Variants in ANKRD13C observed in about 807,000 individuals in gnomAD.
The protein encoded by ANKRD13C is ankyrin repeat domain 13C.
A neutral mutation model predicts 65.5 loss-of-function variants in ANKRD13C; 16 were observed. That is an observed-to-expected ratio of 0.24 (90% CI 0.17 to 0.37). The LOEUF is 0.37. Ranked by LOEUF, ANKRD13C falls within the 10% of genes least tolerant of loss-of-function variation. The pLI is 1.00. For synonymous variants in ANKRD13C, 235 were observed against 238.7 expected (o/e 0.98, Z 0.14); for missense variants, 503 against 655.9 (o/e 0.77, Z 2.55).
intron 10 of ANKRD13C, among the ~76,000 whole-genome samples, chr1:70,276,197 T>C (rs144735426): frequency 6.6e-6 from 1 of 152,308 alleles, no homozygotes; most frequent in Non-Finnish European, 1.5e-5. Context: ...TCATTCATCA[T>C]TCTTTTAGTC....
intron 11 of ANKRD13C, among the ~76,000 whole-genome samples, chr1:70,272,487 C>T (rs2101125113): frequency 6.6e-6 from 1 of 152,092 alleles, no homozygotes; most frequent in East Asian, 1.9e-4. Context: ...CCCAAACTGC[C>T]AGGATAACAG....
intron 12 of ANKRD13C, among the ~76,000 whole-genome samples, chr1:70,263,225 T>C (rs1341348877): frequency 7.9e-5 from 12 of 152,188 alleles, no homozygotes; most frequent in African/African-American, 2.9e-4. Context: ...ATATTTACTA[T>C]TCTGACTCTT....
At chr1:70,289,642 T>C (rs1399015228) in intron 9 of ANKRD13C, among the ~76,000 whole-genome samples, 1 of 151,334 alleles carries the variant, frequency 6.6e-6, no homozygotes, top group Non-Finnish European at 1.5e-5. Flanking sequence ...AATTTTTTTT[T>C]TTTTTTTGTA....
intron 8 of ANKRD13C, 45 bp from the exon 9 acceptor site, chr1:70,292,594 A>T: frequency 7.0e-7 from 1 of 1,420,066 alleles, no homozygotes; most frequent in East Asian, 2.4e-5. Context: ...TTAGGTTAAA[A>T]AAAGTGTCAA....
At chr1:70,267,432 C>T (rs79004062) in intron 12 of ANKRD13C, among the ~76,000 whole-genome samples, 15,736 of 151,990 alleles carry the variant, frequency 0.1, 946 homozygotes, top group East Asian at 0.29. Context: ...TACAGTGGCG[C>T]GATCTTGGCT....
intron 3 of ANKRD13C, among the ~76,000 whole-genome samples, chr1:70,320,248 CAGG>C (rs972869145): frequency 3.3e-5 from 5 of 152,084 alleles, no homozygotes; most frequent in Admixed American, 2.0e-4. Flanking sequence ...GTCCTCAGAA[CAGG>C]AGGTTTTAAA....
chr1:70,306,619 T>C (rs1680596259), intron 5 of ANKRD13C, among the ~76,000 whole-genome samples: 1 of 152,138 alleles, frequency 6.6e-6, no homozygotes, highest in Non-Finnish European at 1.5e-5. Context: ...TAAACCCTCC[T>C]GAATGGGTAA....
intron 5 of ANKRD13C, among the ~76,000 whole-genome samples, chr1:70,310,035 T>A (rs1680784486): frequency 6.6e-6 from 1 of 152,122 alleles, no homozygotes; most frequent in African/African-American, 2.4e-5. Flanking sequence ...AAATATGTGA[T>A]TTGCAATGTC....
At chr1:70,315,377 G>T in intron 4 of ANKRD13C, 104 bp downstream of exon 4, 1 of 802,808 alleles carries the variant, frequency 1.2e-6, no homozygotes, top group Non-Finnish European at 2.0e-6. Context: ...ACCATTTTTT[G>T]GCCCCTAATA....
chr1:70,353,290 C>A (rs552332751), intron 1 of ANKRD13C, among the ~76,000 whole-genome samples: 2 of 152,110 alleles, frequency 1.3e-5, no homozygotes, highest in Non-Finnish European at 2.9e-5. Context: ...CCATAAAAAT[C>A]ATAATACTAT....
intron 9 of ANKRD13C, among the ~76,000 whole-genome samples, chr1:70,281,104 A>G (rs1679367365): frequency 6.6e-6 from 1 of 152,126 alleles, no homozygotes; most frequent in African/African-American, 2.4e-5. Flanking sequence ...ATTTAGACAC[A>G]CTAAATTTTA....
chr1:70,267,300 C>T (rs770659647), intron 12 of ANKRD13C, among the ~76,000 whole-genome samples: 2 of 152,092 alleles, frequency 1.3e-5, no homozygotes, highest in African/African-American at 2.4e-5. Flanking sequence ...CACTTCTAAT[C>T]GGCCTATATC....
intron 1 of ANKRD13C, among the ~76,000 whole-genome samples, chr1:70,348,925 A>T (rs1203735667): frequency 6.6e-6 from 1 of 152,206 alleles, no homozygotes; most frequent in Non-Finnish European, 1.5e-5. Flanking sequence ...AATTTTTCAC[A>T]TCTAGGAAAG....
chr1:70,326,500 G>C (rs1192858723), intron 2 of ANKRD13C, among the ~76,000 whole-genome samples: 1 of 152,084 alleles, frequency 6.6e-6, no homozygotes, highest in Non-Finnish European at 1.5e-5. Flanking sequence ...GTTGGCTAAG[G>C]TGGGGAACAA....
intron 9 of ANKRD13C, among the ~76,000 whole-genome samples, chr1:70,284,975 G>A (rs1679552466): frequency 6.6e-6 from 1 of 152,022 alleles, no homozygotes; most frequent in Non-Finnish European, 1.5e-5. Flanking sequence ...ACTCAACTCA[G>A]AATAGGCCAC....
In ANKRD13C at chr1:70,354,464, T is replaced by G; in HGVS notation, c.-56A>C. 6.5e-7 allele frequency: 1 copy of G among 1,548,212 alleles called. No homozygotes were observed. The highest frequency in any genetic ancestry group is 8.7e-7 in the Non-Finnish European group (1 of 1,149,584). The stretch of plus-strand genomic sequence containing the variant: ...GGAGGCTCACCGCTGGCGACGGAGC[T>G]GGCGCTGCGGCGGCACAAGGCGATT... On this transcript the variant is annotated 5_prime_UTR_variant, in exon 1 of 13. Coordinates refer to ENST00000370944, the MANE Select transcript of ANKRD13C (RefSeq NM_030816.5).
At chr1:70,303,325 T>A (rs996801026) in intron 6 of ANKRD13C, among the ~76,000 whole-genome samples, 1 of 152,174 alleles carries the variant, frequency 6.6e-6, no homozygotes, top group Admixed American at 6.6e-5. Context: ...ATATTTTTAA[T>A]TTTTCCCATG....
chr1:70,351,848 G>GA (rs538664963), intron 1 of ANKRD13C, among the ~76,000 whole-genome samples: 70 of 152,190 alleles, frequency 4.6e-4, no homozygotes, highest in East Asian at 1.5e-3. Context: ...GGCTATGGGA[G>GA]AAAAAATGAC....
At chr1:70,285,506 T>C (rs1445384663) in intron 9 of ANKRD13C, among the ~76,000 whole-genome samples, 1 of 152,130 alleles carries the variant, frequency 6.6e-6, no homozygotes, top group East Asian at 1.9e-4. Context: ...TAATGACTTT[T>C]AAAACTTTAA....
Sources: gnomAD v4.1 joint callset for allele counts (sites outside exome capture counted in the v4.1 genomes callset) on GRCh38, gnomAD v4.1.1 for gene constraint, MANE v1.5 for transcripts, NCBI Gene and HGNC (gene_info 2026-07-23, HGNC 2026-07-21) for gene names.